The following RARRES1 variants were observed in gnomAD, a reference collection of about 807,000 sequenced individuals.
RARRES1 encodes the protein retinoic acid receptor responder protein 1.
A neutral mutation model predicts 30.6 loss-of-function variants in RARRES1; 34 were observed. The ratio of observed to expected loss-of-function variants is 1.11; its 90% confidence interval spans 0.84 to 1.48. RARRES1 has a LOEUF of 1.48. RARRES1 is among the 40% of genes most tolerant of loss of function. RARRES1 has a pLI of 0.00. For synonymous variants in RARRES1, 153 were observed against 155.5 expected (o/e 0.98, Z 0.12); for missense variants, 373 against 386.5 (o/e 0.97, Z 0.29).
intron 2 of RARRES1, among the ~76,000 whole-genome samples, chr3:158,711,564 C>A (rs921397828): frequency 1.3e-5 from 2 of 149,480 alleles, no homozygotes; most frequent in African/African-American, 4.9e-5. Flanking sequence ...ACATGGGATT[C>A]ATTCAACTAC....
At chr3:158,727,991 A>G (rs1727745035) in intron 1 of RARRES1, among the ~76,000 whole-genome samples, 1 of 152,202 alleles carries the variant, frequency 6.6e-6, no homozygotes, top group African/African-American at 2.4e-5. Flanking sequence ...TTGACGCGCC[A>G]ACAGCTCACA....
intron 2 of RARRES1, 47 bp from the exon 3 acceptor site, chr3:158,710,980 G>A: frequency 1.3e-6 from 2 of 1,491,798 alleles, no homozygotes; most frequent in Non-Finnish European, 1.9e-6. Context: ...TCACCCCAGT[G>A]CACACAAGCA....
intron 3 of RARRES1, 79 bp from the exon 4 acceptor site, chr3:158,705,006 G>C: frequency 6.5e-7 from 1 of 1,534,062 alleles, no homozygotes; most frequent in Admixed American, 1.9e-5. Context: ...ATGAAATAGG[G>C]TTTAAACTTA....
In RARRES1 at chr3:158,707,555, C is replaced by T. The variant is rs141977940; in HGVS notation, c.536-2628G>A. ...AAAGAGAGGGTTGGGGAAGATGTAGCGACTTTGTGAGGTGGGAAGAAATGA... is the reference window on the plus strand; with the variant it reads ...AAAGAGAGGGTTGGGGAAGATGTAGTGACTTTGTGAGGTGGGAAGAAATGA... On this transcript the variant is annotated intron_variant, in intron 3 of 5. Transcript: ENST00000237696. Among the ~76,000 whole-genome samples the T allele has an allele frequency of 1.8e-3, 275 of 152,116 alleles. 1 individual carries two copies. Among genetic ancestry groups the T allele is most frequent in the African/African-American group, 6.3e-3 (263 of 41,500 alleles).
At position 158,717,304 on chromosome 3, in the gene RARRES1, C is replaced by T. The variant is rs182683054; in HGVS notation, c.277-3445G>A. Among the ~76,000 whole-genome samples, 310 of 152,358 alleles carry T rather than the reference C, an allele frequency of 2.0e-3. 4 individuals are homozygous for T. The highest frequency in any genetic ancestry group is 0.018 in the Admixed American group (273 of 15,304). ...GAGCAAAACAGCAGCAGCCACTCTC[C>T]GGGCAGTCTAGCGGGAGAGGGCCTT... On this transcript the variant is annotated intron_variant, in intron 1 of 5. Transcript: ENST00000237696.
At chr3:158,708,258 C>G (rs181554968) in intron 3 of RARRES1, among the ~76,000 whole-genome samples, 37 of 152,312 alleles carry the variant, frequency 2.4e-4, no homozygotes, top group African/African-American at 8.9e-4. Context: ...TGATCCAGCT[C>G]ATCATCACGT....
chr3:158,713,924 T>G, intron 1 of RARRES1, 65 bp from the exon 2 acceptor site: 1 of 1,404,596 alleles, frequency 7.1e-7, no homozygotes, highest in Non-Finnish European at 1.0e-6. Context: ...TATCCAGGAA[T>G]CACACTCTTA....
chr3:158,718,821 A>G (rs115968805), intron 1 of RARRES1, among the ~76,000 whole-genome samples: 9 of 152,224 alleles, frequency 5.9e-5, no homozygotes, highest in Non-Finnish European at 7.3e-5. Flanking sequence ...CTACAGCCAC[A>G]TGGTGTAAAG....
chr3:158,698,037 A>C (rs1172559218), intron 4 of RARRES1, 67 bp from the exon 5 acceptor site: 1 of 1,165,582 alleles, frequency 8.6e-7, no homozygotes, highest in African/African-American at 1.6e-5. Flanking sequence ...TATACAATAC[A>C]TTCTTGTTTT....
chr3:158,714,434 G>A (rs1727250966), intron 1 of RARRES1, among the ~76,000 whole-genome samples: 1 of 152,208 alleles, frequency 6.6e-6, no homozygotes, highest in East Asian at 1.9e-4. Context: ...CCAGATCTAG[G>A]TGGGGGACAC....
At chr3:158,710,038 C>T (rs1037858818) in intron 3 of RARRES1, among the ~76,000 whole-genome samples, 1 of 152,208 alleles carries the variant, frequency 6.6e-6, no homozygotes, top group East Asian at 1.9e-4. Context: ...TGGAGGCTGT[C>T]GCCTAAAGTT....
intron 4 of RARRES1, 172 bp from the exon 5 acceptor site, chr3:158,698,142 A>AT (rs1726609390): frequency 1.7e-6 from 1 of 574,026 alleles, no homozygotes; most frequent in African/African-American, 1.9e-5. Context: ...ATGGATCCTC[A>AT]TTTTTGTCTT....
chr3:158,699,225 A>G (rs1467825669), intron 4 of RARRES1, among the ~76,000 whole-genome samples: 1 of 152,074 alleles, frequency 6.6e-6, no homozygotes, highest in Non-Finnish European at 1.5e-5. Flanking sequence ...CCCCTGTAAA[A>G]GCCCTTGTTT....
Position 158,732,292 on chromosome 3 carries a change from C to A in RARRES1, c.124G>T (p.Asp42Tyr), listed in dbSNP as rs1474623208. 5.2e-6 allele frequency: 7 copies of A among 1,343,340 alleles called. No individual in the cohort carries two copies. The East Asian group carries it at 1.9e-4, about 36-fold the overall frequency. The allele number at this position is 1,343,340 out of a possible 1,614,324, so 83.2% of individuals were successfully genotyped here. A position where few individuals can be genotyped will look rare whatever the true frequency, so the allele number is the denominator to read the frequency against. The change falls in exon 1 of 6, where the codon GAC becomes TAC. Residue 42 changes from aspartate (D) to tyrosine (Y), a missense_variant. Asp to Tyr is a radical substitution (Grantham distance 160). Transcript: ENST00000237696. ...APVAAPAGSG[D>Y]PDDPGQPQDA... is the part of the protein sequence containing the mutation. ...TGAGGCTGCCCAGGGTCGTCGGGGT[C>A]CCCGGACCCCGCGGGCGCCGCCACC...
At chr3:158,720,850 T>C (rs1727491127) in intron 1 of RARRES1, among the ~76,000 whole-genome samples, 1 of 152,212 alleles carries the variant, frequency 6.6e-6, no homozygotes, top group Non-Finnish European at 1.5e-5. Context: ...TAGGGCCCAT[T>C]CTAATCCAGT....
intron 4 of RARRES1, among the ~76,000 whole-genome samples, chr3:158,702,086 G>A (rs1433356807): frequency 1.3e-5 from 2 of 152,118 alleles, no homozygotes; most frequent in African/African-American, 4.8e-5. Flanking sequence ...CGCCCAGGCT[G>A]GAGTGCACTA....
intron 3 of RARRES1, among the ~76,000 whole-genome samples, chr3:158,707,902 T>G (rs1726977978): frequency 1.3e-5 from 2 of 151,938 alleles, no homozygotes; most frequent in South Asian, 4.1e-4. Flanking sequence ...TATTTGGAAC[T>G]GAGGATTTCC....
chr3:158,713,719 A>G (rs2279562), intron 2 of RARRES1, 78 bp downstream of exon 2: 295,186 of 1,370,554 alleles, frequency 0.22, 33,110 homozygotes, highest in Non-Finnish European at 0.23. Context: ...ATCACTATAT[A>G]TTAAGATTCT....
chr3:158,706,417 G>A lies in RARRES1; in HGVS notation c.536-1490C>T, dbSNP rs562700320. Among the ~76,000 whole-genome samples the A allele has an allele frequency of 6.6e-5, 10 of 152,332 alleles. No homozygotes were observed. In the South Asian group the frequency reaches 8.3e-4, roughly 13 times the overall value. On this transcript the variant is annotated intron_variant, in intron 3 of 5. Transcript: ENST00000237696. ...GGGGTCTGAGTGAGAAAGTGAGCAC[G>A]TGAAGGTAGGAAGGCACCAGGCAGG...
Sources: allele counts gnomAD v4.1 joint callset (sites outside exome capture counted in the v4.1 genomes callset), GRCh38; gene constraint gnomAD v4.1.1; transcripts MANE v1.5; gene names NCBI Gene and HGNC (gene_info 2026-07-23, HGNC 2026-07-21).